The following ADGRG2 variants were observed in gnomAD, a reference collection of about 807,000 sequenced individuals.
ADGRG2 encodes G protein-coupled receptor 64.
ADGRG2 carries 26 observed loss-of-function variants against 74.1 expected under a neutral mutation model. That is an observed-to-expected ratio of 0.35 (90% CI 0.26 to 0.49). The LOEUF (loss-of-function observed/expected upper bound fraction) is 0.49. Among genes scored for constraint, ADGRG2 ranks in the 20% least tolerant of loss-of-function variants. The pLI, the probability that ADGRG2 is intolerant of heterozygous loss-of-function variation, is 0.99. For missense variants in ADGRG2, 619 were observed against 763.1 expected, an observed-to-expected ratio of 0.81 and a Z score of 2.22; for synonymous variants, 296 against 295.2, an observed-to-expected ratio of 1.00 and a Z score of -0.03.
At chrX:19,073,273 C>T (rs769908573) in intron 2 of ADGRG2, among the ~76,000 whole-genome samples, 31 of 112,496 alleles carry the variant, frequency 2.8e-4, no homozygotes, top group Non-Finnish European at 4.5e-4. Flanking sequence ...CTATCCAGGT[C>T]ATCAACAAAG....
intron 3 of ADGRG2, among the ~76,000 whole-genome samples, chrX:19,068,405 C>G (rs1258079716): frequency 1.9e-5 from 2 of 105,169 alleles, no homozygotes; most frequent in East Asian, 6.0e-4. Context: ...AAGGTACTTG[C>G]AATAAGCAAA....
chrX:18,989,765 A>G lies in ADGRG2; in HGVS notation c.*1099T>C, dbSNP rs1261706090. 1 of 112,431 alleles carries G rather than the reference A, an allele frequency of 8.9e-6. No individual in the cohort carries two copies. Among genetic ancestry groups the G allele is most frequent in the Non-Finnish European group, 1.9e-5 (1 of 53,166 alleles). 9.3% of individuals were successfully genotyped at this position (112,431 alleles called of 1,213,427 possible). ...AGTGTACCAGTCATAACAATCAACA[A>G]TGTACCATGCAGTTGCCTTTTAAAG... On this transcript the variant is annotated 3_prime_UTR_variant, in exon 29 of 29. Coordinates refer to ENST00000379869, the MANE Select transcript of ADGRG2 (RefSeq NM_001079858.3).
At chrX:18,994,067 A>G (rs1335277699) in intron 28 of ADGRG2, among the ~76,000 whole-genome samples, 1 of 112,654 alleles carries the variant, frequency 8.9e-6, no homozygotes, top group Non-Finnish European at 1.9e-5. Context: ...GGTCACATAT[A>G]TGGTCACCAA....
At chrX:19,120,669 T>A (rs762302054) in intron 1 of ADGRG2, among the ~76,000 whole-genome samples, 1 of 111,893 alleles carries the variant, frequency 8.9e-6, no homozygotes, top group Admixed American at 9.5e-5. Flanking sequence ...CTACATAATT[T>A]GTGGGACCCA....
At chrX:19,060,064 G>A (rs1339965720) in intron 3 of ADGRG2, among the ~76,000 whole-genome samples, 4 of 111,900 alleles carry the variant, frequency 3.6e-5, no homozygotes, top group Non-Finnish European at 5.6e-5. Flanking sequence ...GCCGGGAGGC[G>A]GAGGTTGCAG....
chrX:19,023,452 G>T lies in ADGRG2; in HGVS notation c.512C>A (p.Thr171Asn). The change falls in exon 13 of 29, where the codon ACT (threonine) becomes AAT (asparagine). Residue 171 changes from threonine to asparagine, a missense_variant and splice_region_variant. Physicochemically the swap from Thr to Asn is moderately conservative, Grantham distance 65 (BLOSUM62 0). This residue lies in a region of ADGRG2 where 292 missense variants were observed against 318.0 expected (regional missense o/e 0.92). Coordinates refer to ENST00000379869, the MANE Select transcript of ADGRG2 (RefSeq NM_001079858.3). ...LNKTLQTLSE[T>N]YFIMCATAEA... ...TGCTGTAGCACACATTATAAAGTAA[G>T]TCTGAAACAAAACAAAAAACACGTA... 1 of 1,097,128 alleles carries T rather than the reference G, an allele frequency of 9.1e-7. No homozygotes were observed. The highest frequency in any genetic ancestry group is 1.2e-6 in the Non-Finnish European group (1 of 804,134). 90.4% of individuals were successfully genotyped at this position (1,097,128 alleles called of 1,213,427 possible). A position where few individuals can be genotyped will look rare whatever the true frequency, so the allele number is the denominator to read the frequency against.
intron 23 of ADGRG2, 131 bp from the exon 24 acceptor site, chrX:19,003,245 A>C (rs1469186444): frequency 2.1e-6 from 1 of 475,932 alleles, no homozygotes; most frequent in Non-Finnish European, 3.7e-6. Context: ...GGTCACTGCA[A>C]CCTCTGCCTC....
chrX:19,110,594 A>G (rs1330686658), intron 1 of ADGRG2, among the ~76,000 whole-genome samples: 1 of 109,380 alleles, frequency 9.1e-6, no homozygotes, highest in African/African-American at 3.3e-5. Flanking sequence ...GCTGAGGCAC[A>G]AGAATCACTT....
At chrX:19,110,825 C>A (rs2062401090) in intron 1 of ADGRG2, among the ~76,000 whole-genome samples, 1 of 111,040 alleles carries the variant, frequency 9.0e-6, no homozygotes, top group African/African-American at 3.3e-5. Flanking sequence ...AATAAAGAAG[C>A]ACAGTCAGCA....
intron 26 of ADGRG2, among the ~76,000 whole-genome samples, chrX:18,997,655 T>C (rs1457708482): frequency 1.8e-5 from 2 of 112,413 alleles, no homozygotes; most frequent in African/African-American, 6.5e-5. Flanking sequence ...AATAACCATA[T>C]ATAACCAAAC....
intron 1 of ADGRG2, among the ~76,000 whole-genome samples, chrX:19,094,260 A>G (rs2062060175): frequency 9.0e-6 from 1 of 111,237 alleles, no homozygotes; most frequent in Non-Finnish European, 1.9e-5. Context: ...CCTAACGGCT[A>G]TAATGTACAC....
intron 20 of ADGRG2, among the ~76,000 whole-genome samples, chrX:19,007,018 A>G (rs191875784): frequency 9.0e-6 from 1 of 110,783 alleles, no homozygotes; most frequent in African/African-American, 3.3e-5. Context: ...CAGCCTCTCA[A>G]AGTGCTGGGA....
At chrX:19,043,654 G>A (rs1027195522) in intron 3 of ADGRG2, among the ~76,000 whole-genome samples, 1 of 110,546 alleles carries the variant, frequency 9.0e-6, no homozygotes, top group Admixed American at 9.7e-5. Flanking sequence ...CAATTAGGAT[G>A]AGCAGGAGTT....
chrX:19,084,698 A>G (rs1372488945), intron 1 of ADGRG2, among the ~76,000 whole-genome samples: 1 of 112,125 alleles, frequency 8.9e-6, no homozygotes, highest in Non-Finnish European at 1.9e-5. Context: ...TTTTGATGAA[A>G]TTTCCCAACC....
At chrX:19,060,024 C>T (rs1336834518) in intron 3 of ADGRG2, among the ~76,000 whole-genome samples, 13 of 111,805 alleles carry the variant, frequency 1.2e-4, no homozygotes, top group African/African-American at 2.9e-4. Flanking sequence ...CCCAGCTACT[C>T]GGGAGGCTGA....
At chrX:19,119,628 G>A (rs1258622480) in intron 1 of ADGRG2, among the ~76,000 whole-genome samples, 4 of 111,355 alleles carry the variant, frequency 3.6e-5, no homozygotes, top group East Asian at 2.8e-4. Flanking sequence ...GACTTGGCAC[G>A]CTCAGGCAGA....
intron 1 of ADGRG2, among the ~76,000 whole-genome samples, chrX:19,104,347 C>T (rs73193513): frequency 0.047 from 5,163 of 110,840 alleles, 132 homozygotes; most frequent in Non-Finnish European, 0.074. Context: ...GTCAAAAAGA[C>T]CTGAACTAGC....
intron 7 of ADGRG2, chrX:19,035,484 C>A (rs1403650133): frequency 9.0e-6 from 1 of 111,470 alleles, no homozygotes; most frequent in Non-Finnish European, 1.9e-5. Flanking sequence ...GTCAAATGGG[C>A]AAGATACAAA....
chrX:19,078,895 G>A (rs1013108758), intron 2 of ADGRG2, among the ~76,000 whole-genome samples: 20 of 110,310 alleles, frequency 1.8e-4, no homozygotes, highest in Admixed American at 1.5e-3. Context: ...AGGGAAAAAG[G>A]GGAGAAAAAG....
Sources: gnomAD v4.1 joint callset for allele counts (sites outside exome capture counted in the v4.1 genomes callset) on GRCh38, gnomAD v4.1.1 for gene constraint, gnomAD v4.1.1 regional missense constraint, MANE v1.5 for transcripts, NCBI Gene and HGNC (gene_info 2026-07-23, HGNC 2026-07-21) for gene names.